STXBP5L: variants seen among roughly 807,000 people sequenced by gnomAD.
The protein encoded by STXBP5L is syntaxin-binding protein 5-like.
In STXBP5L, 65 loss-of-function variants were observed where a neutral mutation model predicts 144.5. The observed-to-expected ratio is 0.45, with a 90% CI of 0.37 to 0.55. STXBP5L has a LOEUF of 0.55. Among genes scored for constraint, STXBP5L ranks in the 20% least tolerant of loss-of-function variants. The pLI, the probability that STXBP5L is intolerant of heterozygous loss-of-function variation, is 0.00. For missense variants in STXBP5L, 1,298 were observed against 1,405.5 expected (o/e 0.92, Z 1.22); for synonymous variants, 505 against 469.6 (o/e 1.08, Z -0.97).
chr3:121,116,928 G>C (rs16832116), intron 6 of STXBP5L, among the ~76,000 whole-genome samples: 15,119 of 151,918 alleles, frequency 0.1, 946 homozygotes, highest in Non-Finnish European at 0.14. Flanking sequence ...AAAATATATA[G>C]ATGCATCACT....
At chr3:121,372,288 C>G (rs1332511145) in intron 20 of STXBP5L, among the ~76,000 whole-genome samples, 1 of 152,094 alleles carries the variant, frequency 6.6e-6, no homozygotes, top group African/African-American at 2.4e-5. Context: ...ATGGGCAAGA[C>G]CACCCTATAG....
chr3:121,400,889 A>G (rs1441806850), intron 22 of STXBP5L, among the ~76,000 whole-genome samples: 2 of 152,238 alleles, frequency 1.3e-5, no homozygotes, highest in Non-Finnish European at 2.9e-5. Flanking sequence ...ATAGAATATT[A>G]TGAATAATAA....
chr3:121,300,746 G>A (rs1229029470), intron 19 of STXBP5L, among the ~76,000 whole-genome samples: 1 of 151,716 alleles, frequency 6.6e-6, no homozygotes, highest in African/African-American at 2.4e-5. Context: ...AAAGAACTGA[G>A]GGGACAAACT....
intron 20 of STXBP5L, among the ~76,000 whole-genome samples, chr3:121,373,137 A>G (rs1000923397): frequency 1.3e-5 from 2 of 152,254 alleles, no homozygotes; most frequent in Non-Finnish European, 2.9e-5. Context: ...TAATGAATCC[A>G]GTAAGAAAAC....
intron 5 of STXBP5L, among the ~76,000 whole-genome samples, chr3:121,070,568 G>A (rs577937987): frequency 1.3e-5 from 2 of 152,126 alleles, no homozygotes; most frequent in South Asian, 2.1e-4. Flanking sequence ...CGACACAAAT[G>A]TAGATTAGTA....
At chr3:120,981,238 G>C (rs1192484572) in intron 3 of STXBP5L, among the ~76,000 whole-genome samples, 1 of 152,044 alleles carries the variant, frequency 6.6e-6, no homozygotes, top group Non-Finnish European at 1.5e-5. Flanking sequence ...TCTTGTATGT[G>C]AATGTCAAAT....
chr3:121,065,145 T>C (rs767158599), intron 5 of STXBP5L, among the ~76,000 whole-genome samples: 4 of 152,108 alleles, frequency 2.6e-5, no homozygotes, highest in Non-Finnish European at 5.9e-5. Flanking sequence ...CCACTGTTGA[T>C]GGGCACTTGG....
At chr3:121,414,825 A>G (rs1478346680) in intron 24 of STXBP5L, among the ~76,000 whole-genome samples, 1 of 152,200 alleles carries the variant, frequency 6.6e-6, no homozygotes, top group African/African-American at 2.4e-5. Context: ...TTGTTTATTA[A>G]AATAAATATT....
At chr3:120,919,783 ACT>A (rs1709274547) in intron 2 of STXBP5L, among the ~76,000 whole-genome samples, 1 of 151,894 alleles carries the variant, frequency 6.6e-6, no homozygotes, top group Non-Finnish European at 1.5e-5. Context: ...GCAAGCACAC[ACT>A]CTGTGAACCA....
chr3:121,334,585 A>G (rs1468801515), intron 20 of STXBP5L, among the ~76,000 whole-genome samples: 3 of 151,608 alleles, frequency 2.0e-5, no homozygotes, highest in Non-Finnish European at 4.4e-5. Context: ...TGATGCAAAA[A>G]TCTCAAAAAA....
rs1047251733 is a variant in STXBP5L at position 121,421,660 on chromosome 3, A to G, written c.*2563A>G. The G allele has an allele frequency of 6.6e-6, 1 of 152,232 alleles. No individual in the cohort carries two copies. The highest frequency in any genetic ancestry group is 2.4e-5 in the African/African-American group (1 of 41,476). 9.4% of individuals were successfully genotyped at this position (152,232 alleles called of 1,614,324 possible). A position where few individuals can be genotyped will look rare whatever the true frequency, so the allele number is the denominator to read the frequency against. On this transcript the variant is annotated 3_prime_UTR_variant, in exon 27 of 27. Coordinates refer to ENST00000471454, the MANE Select transcript of STXBP5L (RefSeq NM_001308330.2). ...ATGTGTGGTTCATATGCAATAAGATACAATTTTGAAGAAAGCTTATAGGAA... is the reference window on the plus strand; with the variant it reads ...ATGTGTGGTTCATATGCAATAAGATGCAATTTTGAAGAAAGCTTATAGGAA...
At chr3:121,034,496 A>C (rs28471020) in intron 3 of STXBP5L, among the ~76,000 whole-genome samples, 1 of 152,042 alleles carries the variant, frequency 6.6e-6, no homozygotes, top group Non-Finnish European at 1.5e-5. Flanking sequence ...TCCATTATAT[A>C]TCTCTCTATA....
At chr3:121,128,576 A>C (rs2107884143) in intron 7 of STXBP5L, among the ~76,000 whole-genome samples, 1 of 152,216 alleles carries the variant, frequency 6.6e-6, no homozygotes, top group Middle Eastern at 3.4e-3. Flanking sequence ...AGGTTCCATA[A>C]TATTCATGGA....
chr3:120,933,476 A>T (rs529691076), intron 2 of STXBP5L, among the ~76,000 whole-genome samples: 1 of 152,248 alleles, frequency 6.6e-6, no homozygotes, highest in African/African-American at 2.4e-5. Context: ...AAATTGTGTG[A>T]TATAAGAAAA....
At chr3:121,149,380 T>C (rs2045846979) in intron 7 of STXBP5L, among the ~76,000 whole-genome samples, 1 of 152,028 alleles carries the variant, frequency 6.6e-6, no homozygotes, top group Non-Finnish European at 1.5e-5. Context: ...CAGGATCTTA[T>C]TTAATGGGGA....
At chr3:121,052,812 G>T (rs1948124726) in intron 5 of STXBP5L, among the ~76,000 whole-genome samples, 3 of 152,280 alleles carry the variant, frequency 2.0e-5, no homozygotes, top group South Asian at 4.1e-4. Flanking sequence ...AATTGTCCCT[G>T]TTTGCAGATG....
In STXBP5L at chr3:121,087,556, T is replaced by C. The variant is rs75074847; in HGVS notation, c.471-27369T>C. On this transcript the variant is annotated intron_variant, in intron 5 of 26. Coordinates refer to ENST00000471454, the MANE Select transcript of STXBP5L (RefSeq NM_001308330.2). ...TCTATTCTTATACTTTAAAGTTAGC[T>C]ATGTTAATATATTCAAAGTGTATTT... is the stretch of plus-strand genomic sequence containing the variant. Among the ~76,000 whole-genome samples the C allele has an allele frequency of 2.7e-4, 41 of 152,200 alleles. No individual in the cohort carries two copies. In the East Asian group the frequency reaches 7.1e-3, roughly 26 times the overall value.
At chr3:121,216,878 G>A (rs1046592501) in intron 10 of STXBP5L, among the ~76,000 whole-genome samples, 4 of 152,172 alleles carry the variant, frequency 2.6e-5, no homozygotes, top group Non-Finnish European at 5.9e-5. Context: ...GAGATGCCCT[G>A]CCCAGAGAGG....
intron 5 of STXBP5L, chr3:121,099,162 T>A (rs150782518): frequency 6.6e-6 from 1 of 152,294 alleles, no homozygotes; most frequent in Non-Finnish European, 1.5e-5. Flanking sequence ...AATCTGCCTT[T>A]ATGAGAAAAA....
Sources: gnomAD v4.1 joint callset for allele counts (sites outside exome capture counted in the v4.1 genomes callset) on GRCh38, gnomAD v4.1.1 for gene constraint, MANE v1.5 for transcripts, NCBI Gene and HGNC (gene_info 2026-07-23, HGNC 2026-07-21) for gene names.